The following TFCP2L1 variants were observed in gnomAD, a reference collection of about 807,000 sequenced individuals.
TFCP2L1 encodes the protein transcription factor CP2-like protein 1.
A neutral mutation model predicts 72.2 loss-of-function variants in TFCP2L1; 12 were observed. The observed-to-expected ratio is 0.17, with a 90% CI of 0.11 to 0.27. TFCP2L1 has a LOEUF of 0.27. TFCP2L1 is among the 10% of genes least tolerant of loss of function. The pLI is 1.00. For missense variants in TFCP2L1, 488 were observed against 624.6 expected, an observed-to-expected ratio of 0.78 and a Z score of 2.33; for synonymous variants, 260 against 251.0, an observed-to-expected ratio of 1.04 and a Z score of -0.34.
intron 2 of TFCP2L1, among the ~76,000 whole-genome samples, chr2:121,258,768 A>G (rs1466042052): frequency 6.6e-6 from 1 of 152,180 alleles, no homozygotes; most frequent in Non-Finnish European, 1.5e-5. Flanking sequence ...CCAGTCCTGA[A>G]CTGGGTCTGG....
In TFCP2L1 at chr2:121,270,151, A is replaced by C. The variant is rs75509857; in HGVS notation, c.214+10969T>G. ...TTGAGGAAAGGAGAATTAAAAGAAG[A>C]CCCTATATTTTCCCCACCAGTTACC... On this transcript the variant is annotated intron_variant, in intron 2 of 14. Coordinates refer to ENST00000263707, the MANE Select transcript of TFCP2L1 (RefSeq NM_014553.3). Among the ~76,000 whole-genome samples, 431 of 152,210 alleles carry C rather than the reference A, an allele frequency of 2.8e-3. 6 individuals carry two copies. Among genetic ancestry groups the C allele is most frequent in the African/African-American group, 0.01 (418 of 41,518 alleles).
rs761191425 is a variant in TFCP2L1, at chr2:121,217,699, T to C, written c.*6642A>G. The C allele has an allele frequency of 2.6e-5, 4 of 152,296 alleles. No homozygotes were observed. The highest frequency in any genetic ancestry group is 4.4e-5 in the Non-Finnish European group (3 of 68,262). 9.4% of individuals were successfully genotyped at this position (152,296 alleles called of 1,614,324 possible). A position where few individuals can be genotyped will look rare whatever the true frequency, so the allele number is the denominator to read the frequency against. ...CAGGCTGCCCCTCCCAGGACAAGAG[T>C]GTGAGCTGGCCAGGAGGCCACTGCT... is the stretch of plus-strand genomic sequence containing the variant. On this transcript the variant is annotated 3_prime_UTR_variant, in exon 15 of 15. Transcript: ENST00000263707.
rs531497752 is a variant in TFCP2L1 at position 121,234,104 on chromosome 2, G to C, written c.1185C>G (p.Asp395Glu). 6.2e-7 allele frequency: 1 copy of C among 1,613,512 alleles called. No homozygotes were observed. Among genetic ancestry groups the C allele is most frequent in the South Asian group, 1.1e-5 (1 of 91,054 alleles). Residue 395 changes from aspartate (D) to glutamate (E), a missense_variant, in exon 12 of 15, where the codon GAC (aspartate) becomes GAG (glutamate). Transcript: ENST00000263707. ...PLQQKRDGSG[D>E]SNLSVYHAIF... ...CCCACAACTCACCAGACAGGTTGCT[G>C]TCTCCACTGCCGTCCCGCTTCTGCT...
chr2:121,284,774 T>G (rs1687332765), intron 1 of TFCP2L1, among the ~76,000 whole-genome samples: 1 of 152,102 alleles, frequency 6.6e-6, no homozygotes, highest in Non-Finnish European at 1.5e-5. Context: ...GTGCGCGCCC[T>G]GCACCCTCTC....
rs1456446513 is a variant in TFCP2L1 at position 121,222,741 on chromosome 2, G to A, written c.*1600C>T. On this transcript the variant is annotated 3_prime_UTR_variant, in exon 15 of 15. Transcript: ENST00000263707. ...TTCTGTGAATTGATGGTGGTTCTGT[G>A]AATACAATTGGACACTAGCAATGGG... The A allele has an allele frequency of 6.6e-6, 1 of 152,138 alleles. No homozygotes were observed. Among genetic ancestry groups the A allele is most frequent in the Non-Finnish European group, 1.5e-5 (1 of 68,038 alleles). 9.4% of individuals were successfully genotyped at this position (152,138 alleles called of 1,614,324 possible). A position where few individuals can be genotyped will look rare whatever the true frequency, so the allele number is the denominator to read the frequency against.
Position 121,281,063 on chromosome 2 carries a change from G to A in TFCP2L1, c.214+57C>T, listed in dbSNP as rs186174353. On this transcript the variant is annotated intron_variant, in intron 2 of 14. Transcript: ENST00000263707. ...GTCACAAGGCCCAAATGGGCCTTTC[G>A]CATCAGCTCCCCACTACTTCTGGGT... The A allele has an allele frequency of 5.3e-5, 85 of 1,607,714 alleles. No individual in the cohort carries two copies. Among genetic ancestry groups the A allele is most frequent in the African/African-American group, 5.2e-4 (39 of 74,652 alleles).
intron 6 of TFCP2L1, among the ~76,000 whole-genome samples, chr2:121,244,526 C>T (rs1686442754): frequency 6.6e-6 from 1 of 152,200 alleles, no homozygotes. Flanking sequence ...CCAAGGCCTT[C>T]CTCAGGGCAC....
chr2:121,275,358 C>T (rs1417339648), intron 2 of TFCP2L1, among the ~76,000 whole-genome samples: 3 of 125,658 alleles, frequency 2.4e-5, no homozygotes, highest in African/African-American at 9.1e-5. Context: ...GAGATCGCGC[C>T]ACTGCACTCT....
chr2:121,227,060 T>C (rs1034916023), intron 13 of TFCP2L1, among the ~76,000 whole-genome samples: 2 of 152,230 alleles, frequency 1.3e-5, no homozygotes, highest in African/African-American at 2.4e-5. Context: ...GCCAGCTGTA[T>C]ACTTCAACAT....
chr2:121,248,989 C>A lies in TFCP2L1; in HGVS notation c.390G>T (p.Leu130=). The A allele has an allele frequency of 6.3e-7, 1 of 1,597,180 alleles. No homozygotes were observed. The highest frequency in any genetic ancestry group is 1.1e-5 in the South Asian group (1 of 87,584). Residue 130 remains leucine, a synonymous_variant, in exon 4 of 15, where the codon CTG becomes CTT. Coordinates refer to ENST00000263707, the MANE Select transcript of TFCP2L1 (RefSeq NM_014553.3). ...WRWSRPGDRI[L]DIDIPLSVGI... is the part of the protein sequence containing the mutation. ...CCTGGCCAGGAGACTCACCGATGTC[C>A]AGGATCCGGTCCCCTGGCCGACTCC...
intron 2 of TFCP2L1, among the ~76,000 whole-genome samples, chr2:121,265,542 G>A (rs761452106): frequency 5.9e-5 from 9 of 151,702 alleles, no homozygotes; most frequent in African/African-American, 1.5e-4. Flanking sequence ...GGAGTGCAGC[G>A]GTGCAATCTC....
intron 1 of TFCP2L1, among the ~76,000 whole-genome samples, chr2:121,283,227 C>A (rs1687299704): frequency 6.6e-6 from 1 of 152,128 alleles, no homozygotes; most frequent in African/African-American, 2.4e-5. Flanking sequence ...GAACATCAAA[C>A]AGAAAGGGGG....
Position 121,220,829 on chromosome 2 carries a change from T to A in TFCP2L1, c.*3512A>T, listed in dbSNP as rs1685914900. ...TTGGTACCAAATTACCATGTGTACT[T>A]TTTTTTGGTATTTATTATTTTCTAT... On this transcript the variant is annotated 3_prime_UTR_variant, in exon 15 of 15. Transcript: ENST00000263707. 1 of 151,672 alleles carries A rather than the reference T, an allele frequency of 6.6e-6. No individual in the cohort carries two copies. The highest frequency in any genetic ancestry group is 1.5e-5 in the Non-Finnish European group (1 of 68,032). 9.4% of individuals were successfully genotyped at this position (151,672 alleles called of 1,614,324 possible).
chr2:121,269,021 CT>C (rs559731568), intron 2 of TFCP2L1, among the ~76,000 whole-genome samples: 349 of 144,458 alleles, frequency 2.4e-3, no homozygotes, highest in East Asian at 5.2e-3. Flanking sequence ...TAGGGAAAGG[CT>C]TTTTTTTTTA....
chr2:121,251,609 G>A (rs1686615907), intron 2 of TFCP2L1, among the ~76,000 whole-genome samples: 1 of 152,158 alleles, frequency 6.6e-6, no homozygotes, highest in Non-Finnish European at 1.5e-5. Context: ...GAGATCTATT[G>A]TACAACATGG....
At chr2:121,231,762 G>C in intron 13 of TFCP2L1, 64 bp downstream of exon 13, 1 of 1,585,698 alleles carries the variant, frequency 6.3e-7, no homozygotes, top group East Asian at 2.3e-5. Context: ...CTGGGGCAGG[G>C]GTTCTGACAC....
intron 6 of TFCP2L1, among the ~76,000 whole-genome samples, chr2:121,243,226 CG>C (rs1686414223): frequency 6.6e-6 from 1 of 152,198 alleles, no homozygotes; most frequent in African/African-American, 2.4e-5. Context: ...GTAAAGACTC[CG>C]AGCAGCGCTA....
rs555667500 is a variant in TFCP2L1 at position 121,239,752 on chromosome 2, C to G, written c.769-103G>C. ...TGCACTGACACCAATGCATGAGACC[C>G]CCACCTGTGAAACGCAGCCTGCGTT... On this transcript the variant is annotated intron_variant, in intron 7 of 14. Coordinates refer to ENST00000263707, the MANE Select transcript of TFCP2L1 (RefSeq NM_014553.3). 122 of 1,158,502 alleles carry G rather than the reference C, an allele frequency of 1.1e-4. No individual in the cohort carries two copies. In the African/African-American group the frequency reaches 1.6e-3, roughly 15 times the overall value. The allele number at this position is 1,158,502 out of a possible 1,614,324, so 71.8% of individuals were successfully genotyped here. A position where few individuals can be genotyped will look rare whatever the true frequency, so the allele number is the denominator to read the frequency against.
Position 121,249,060 on chromosome 2 carries a change from G to T in TFCP2L1, c.319C>A (p.Arg107Ser). ...KSIIRVVFHD[R>S]RLQYTEHQQL... ...TGGTGCTCCGTATACTGCAGCCGGC[G>T]GTCATGGAAGACCACACGGATGATG... The change falls in exon 4 of 15, where the codon CGC (arginine) becomes AGC (serine). Residue 107 changes from arginine to serine, a missense_variant. This residue lies in a region of TFCP2L1 where 129 missense variants were observed against 236.0 expected (regional missense o/e 0.55). Coordinates refer to ENST00000263707, the MANE Select transcript of TFCP2L1 (RefSeq NM_014553.3). 6.3e-7 allele frequency: 1 copy of T among 1,597,674 alleles called. No homozygotes were observed. Among genetic ancestry groups the T allele is most frequent in the Non-Finnish European group, 8.5e-7 (1 of 1,172,072 alleles).
Sources: gnomAD v4.1 joint callset for allele counts (sites outside exome capture counted in the v4.1 genomes callset) on GRCh38, gnomAD v4.1.1 for gene constraint, gnomAD v4.1.1 regional missense constraint, MANE v1.5 for transcripts, NCBI Gene and HGNC (gene_info 2026-07-23, HGNC 2026-07-21) for gene names.